The following LRP1B variants were observed in gnomAD, a reference collection of about 807,000 sequenced individuals.
The protein encoded by LRP1B is low-density lipoprotein receptor-related protein 1B.
A neutral mutation model predicts 556.6 loss-of-function variants in LRP1B; 217 were observed. The observed-to-expected ratio is 0.39, with a 90% CI of 0.35 to 0.44. LRP1B has a LOEUF of 0.44. Ranked by LOEUF, LRP1B falls within the 20% of genes least tolerant of loss-of-function variation. The probability of loss-of-function intolerance (pLI) is 1.00; values close to 1 mark genes in which losing one functional copy is unlikely to be tolerated. For missense variants in LRP1B, 5,053 were observed against 5,620.8 expected, an observed-to-expected ratio of 0.90 and a Z score of 3.23; for synonymous variants, 2,047 against 1,865.8, an observed-to-expected ratio of 1.10 and a Z score of -2.50.
At chr2:141,646,623 G>GTTAT (rs1165444251) in intron 2 of LRP1B, among the ~76,000 whole-genome samples, 1 of 152,058 alleles carries the variant, frequency 6.6e-6, no homozygotes, top group East Asian at 1.9e-4. Flanking sequence ...TTATAATTCA[G>GTTAT]TTATTTAGAA....
intron 7 of LRP1B, among the ~76,000 whole-genome samples, chr2:141,097,821 A>G (rs933699790): frequency 1.3e-5 from 2 of 152,190 alleles, no homozygotes; most frequent in Non-Finnish European, 2.9e-5. Context: ...TAATTCATAA[A>G]TGAAAAAGAT....
At chr2:141,733,940 A>C (rs1297472946) in intron 2 of LRP1B, among the ~76,000 whole-genome samples, 1 of 152,144 alleles carries the variant, frequency 6.6e-6, no homozygotes, top group African/African-American at 2.4e-5. Context: ...TTATTACTGT[A>C]TATACCTGCC....
intron 1 of LRP1B, among the ~76,000 whole-genome samples, chr2:142,120,487 C>T (rs1429931952): frequency 6.6e-6 from 1 of 152,076 alleles, no homozygotes; most frequent in Non-Finnish European, 1.5e-5. Context: ...AATTTCTTCC[C>T]TTTTTCCTAA....
chr2:141,377,344 T>C (rs543072231), intron 3 of LRP1B, among the ~76,000 whole-genome samples: 1 of 152,324 alleles, frequency 6.6e-6, no homozygotes, highest in East Asian at 1.9e-4. Context: ...ACATAGTAAC[T>C]TCCAATGAAT....
chr2:142,104,888 C>T (rs1706693164), intron 1 of LRP1B, among the ~76,000 whole-genome samples: 2 of 152,142 alleles, frequency 1.3e-5, no homozygotes, highest in Non-Finnish European at 1.5e-5. Flanking sequence ...TTCTTCAAGA[C>T]CAGTTGTGAA....
chr2:141,851,878 C>T (rs1442420652), intron 1 of LRP1B, among the ~76,000 whole-genome samples: 1 of 151,766 alleles, frequency 6.6e-6, no homozygotes, highest in South Asian at 2.1e-4. Flanking sequence ...GATAATAATT[C>T]CCTGCTCTCA....
At chr2:141,642,414 G>A (rs998534157) in intron 2 of LRP1B, among the ~76,000 whole-genome samples, 1 of 152,150 alleles carries the variant, frequency 6.6e-6, no homozygotes, top group Non-Finnish European at 1.5e-5. Context: ...CCTATCATAT[G>A]AGCTGGAGTG....
intron 1 of LRP1B, among the ~76,000 whole-genome samples, chr2:141,901,600 G>GA (rs919230410): frequency 3.3e-5 from 5 of 151,724 alleles, no homozygotes; most frequent in Non-Finnish European, 7.4e-5. Context: ...TTTCAGAACT[G>GA]AAAAATGATC....
intron 2 of LRP1B, among the ~76,000 whole-genome samples, chr2:141,635,431 T>G (rs1302881762): frequency 2.0e-5 from 3 of 152,096 alleles, no homozygotes; most frequent in Non-Finnish European, 4.4e-5. Flanking sequence ...AAAAAAAGTC[T>G]GCTGTATTTT....
intron 80 of LRP1B, 22 bp from the exon 81 acceptor site, chr2:140,324,088 TATGAAAGTTTTA>T (rs757076768): frequency 6.5e-7 from 1 of 1,542,696 alleles, no homozygotes; most frequent in Admixed American, 1.7e-5. Context: ...AAAAGGCAGT[TATGAAAGTTTTA>T]ATGTATATAC....
At chr2:141,952,578 T>G (rs1356898318) in intron 1 of LRP1B, among the ~76,000 whole-genome samples, 6 of 152,124 alleles carry the variant, frequency 3.9e-5, no homozygotes, top group Admixed American at 2.0e-4. Context: ...AAAGGCCTCC[T>G]TTTAAAGAGA....
intron 3 of LRP1B, among the ~76,000 whole-genome samples, chr2:141,466,264 C>T (rs1242489712): frequency 6.6e-6 from 1 of 152,122 alleles, no homozygotes; most frequent in Non-Finnish European, 1.5e-5. Context: ...TACTGGTAAT[C>T]AAAGCCACAG....
chr2:140,899,411 G>A (rs2105216641), intron 23 of LRP1B, among the ~76,000 whole-genome samples: 1 of 152,262 alleles, frequency 6.6e-6, no homozygotes, highest in Non-Finnish European at 1.5e-5. Flanking sequence ...CCAGTAGCTA[G>A]CTGCTATTTT....
At chr2:141,909,081 G>T (rs1699835243) in intron 1 of LRP1B, among the ~76,000 whole-genome samples, 1 of 152,036 alleles carries the variant, frequency 6.6e-6, no homozygotes, top group Non-Finnish European at 1.5e-5. Flanking sequence ...TCCAAAGGGT[G>T]TATTAGGGAA....
chr2:140,818,617 A>G (rs919662332), intron 31 of LRP1B, among the ~76,000 whole-genome samples: 11 of 152,124 alleles, frequency 7.2e-5, no homozygotes, highest in Admixed American at 2.0e-4. Flanking sequence ...CATCCTGAGA[A>G]TATTTGGGTT....
At chr2:141,345,371 T>A (rs967695908) in intron 3 of LRP1B, among the ~76,000 whole-genome samples, 2 of 151,560 alleles carry the variant, frequency 1.3e-5, no homozygotes, top group Non-Finnish European at 2.9e-5. Flanking sequence ...TAATAAGGAC[T>A]TTTTTTTTCT....
chr2:141,141,622 T>A (rs1463574857), intron 7 of LRP1B, among the ~76,000 whole-genome samples: 1 of 152,174 alleles, frequency 6.6e-6, no homozygotes, highest in African/African-American at 2.4e-5. Flanking sequence ...AATTACCACA[T>A]CCTTAATAAA....
chr2:140,512,790 G>C (rs186826582), intron 51 of LRP1B, among the ~76,000 whole-genome samples: 9 of 152,242 alleles, frequency 5.9e-5, no homozygotes, highest in African/African-American at 2.2e-4. Context: ...ACACACTTCT[G>C]AGAACGATCT....
chr2:140,244,590 A>G (rs1448598640), intron 87 of LRP1B, among the ~76,000 whole-genome samples: 1 of 151,304 alleles, frequency 6.6e-6, no homozygotes, highest in Non-Finnish European at 1.5e-5. Context: ...GATTTTTAAA[A>G]TGGAACCTGA....
Sources: allele counts gnomAD v4.1 joint callset (sites outside exome capture counted in the v4.1 genomes callset), GRCh38; gene constraint gnomAD v4.1.1; transcripts MANE v1.5; gene names NCBI Gene and HGNC (gene_info 2026-07-23, HGNC 2026-07-21).